The following GNB1L variants were observed in gnomAD, a reference collection of about 807,000 sequenced individuals.
GNB1L encodes G protein subunit beta 1 like.
A neutral mutation model predicts 29.1 loss-of-function variants in GNB1L; 20 were observed. The ratio of observed to expected loss-of-function variants is 0.69; its 90% CI spans 0.48 to 1.00. The LOEUF (loss-of-function observed/expected upper bound fraction) is 1.00, where lower values mean the gene tolerates loss of function less well. GNB1L is among the 50% of genes least tolerant of loss of function. GNB1L has a pLI of 0.00. For missense variants in GNB1L, 421 were observed against 464.9 expected, an observed-to-expected ratio of 0.91 and a Z score of 0.87; for synonymous variants, 193 against 206.5, an observed-to-expected ratio of 0.93 and a Z score of 0.56.
At chr22:19,807,719 G>C (rs1366873285) in intron 5 of GNB1L, among the ~76,000 whole-genome samples, 2 of 152,234 alleles carry the variant, frequency 1.3e-5, no homozygotes, top group Non-Finnish European at 2.9e-5. Context: ...TGAGTAGGCA[G>C]AACTCATACC....
At chr22:19,792,878 C>T in intron 7 of GNB1L, 1 of 1,135,114 alleles carries the variant, frequency 8.8e-7, no homozygotes, top group Non-Finnish European at 1.3e-6. Flanking sequence ...GTCTAGTCCA[C>T]AGGAAGACCT....
At chr22:19,829,942 G>A (rs1234729963) in intron 2 of GNB1L, among the ~76,000 whole-genome samples, 1 of 152,124 alleles carries the variant, frequency 6.6e-6, no homozygotes, top group Non-Finnish European at 1.5e-5. Flanking sequence ...CAGAATGCCT[G>A]CTATCTCTAC....
chr22:19,851,132 C>G (rs745883853), intron 2 of GNB1L: 15 of 1,547,064 alleles, frequency 9.7e-6, no homozygotes, highest in Non-Finnish European at 1.1e-5. Context: ...GCCACTTCAT[C>G]ATGAGGGGCA....
At chr22:19,837,584 A>T (rs1937787383) in intron 2 of GNB1L, among the ~76,000 whole-genome samples, 2 of 152,234 alleles carry the variant, frequency 1.3e-5, no homozygotes. Flanking sequence ...AAGACTGACC[A>T]TTCCAGTTGC....
intron 7 of GNB1L, among the ~76,000 whole-genome samples, chr22:19,793,593 C>T (rs1284080091): frequency 6.6e-6 from 1 of 152,008 alleles, no homozygotes; most frequent in Admixed American, 6.5e-5. Flanking sequence ...CCAATCAGGA[C>T]AAGAAGAAAA....
At chr22:19,846,705 T>C (rs887417927) in intron 2 of GNB1L, 6 of 376,722 alleles carry the variant, frequency 1.6e-5, no homozygotes, top group African/African-American at 2.2e-5. Context: ...CCTGATCCAA[T>C]AGACTAGTGA....
intron 2 of GNB1L, among the ~76,000 whole-genome samples, chr22:19,826,241 C>T (rs1267995009): frequency 2.0e-5 from 3 of 152,192 alleles, no homozygotes; most frequent in African/African-American, 7.2e-5. Flanking sequence ...TAAACCTACA[C>T]CCACGGATGC....
intron 2 of GNB1L, among the ~76,000 whole-genome samples, chr22:19,841,113 C>A (rs965896168): frequency 5.5e-4 from 83 of 152,216 alleles, no homozygotes; most frequent in Non-Finnish European, 1.2e-3. Context: ...TTCAGGAACC[C>A]TGGATGAAGC....
intron 7 of GNB1L, chr22:19,792,510 C>T (rs1159388847): frequency 2.5e-5 from 39 of 1,544,070 alleles, no homozygotes; most frequent in South Asian, 4.5e-5. Context: ...CCTCTATAAG[C>T]GGCTGAAAGT....
At chr22:19,850,971 G>A in intron 2 of GNB1L, 2 of 1,409,302 alleles carry the variant, frequency 1.4e-6, no homozygotes, top group Non-Finnish European at 1.8e-6. Flanking sequence ...AGGGCACAGG[G>A]CGGAGGTCAA....
chr22:19,789,375 A>G (rs1937226606), intron 7 of GNB1L, among the ~76,000 whole-genome samples: 1 of 152,200 alleles, frequency 6.6e-6, no homozygotes, highest in Admixed American at 6.5e-5. Flanking sequence ...AGAACCTCAC[A>G]ACCACCCCAA....
chr22:19,795,887 C>T (rs575366206), intron 7 of GNB1L, among the ~76,000 whole-genome samples: 3 of 152,232 alleles, frequency 2.0e-5, no homozygotes, highest in African/African-American at 7.2e-5. Context: ...CACCAAGAGG[C>T]CCCTGCCTGA....
At chr22:19,828,497 A>G (rs75664225) in intron 2 of GNB1L, among the ~76,000 whole-genome samples, 2,850 of 152,144 alleles carry the variant, frequency 0.019, 62 homozygotes, top group South Asian at 0.083. Flanking sequence ...TCTCAAAACA[A>G]ATAAAAATTC....
Position 19,788,174 on chromosome 22 carries a change from A to G in GNB1L, c.*535T>C, listed in dbSNP as rs1937208357. The G allele has an allele frequency of 9.4e-6, 2 of 211,818 alleles. No homozygotes were observed. The highest frequency in any genetic ancestry group is 1.9e-5 in the Non-Finnish European group (2 of 105,986). 13.1% of individuals were successfully genotyped at this position (211,818 alleles called of 1,614,324 possible). Reference sequence around the variant, plus strand: ...ACTTCCTGATCCTGATCCTGGCCTCAACCTGTGTGTTGGGAGCTCCTGGCC... The same window carrying G: ...ACTTCCTGATCCTGATCCTGGCCTCGACCTGTGTGTTGGGAGCTCCTGGCC... On this transcript the variant is annotated 3_prime_UTR_variant, in exon 8 of 8. Transcript: ENST00000329517.
rs1256289607 is a variant in GNB1L at position 19,812,479 on chromosome 22, T to A, written c.255-32A>T. The stretch of plus-strand genomic sequence containing the variant: ...GACAAAGAGGAGACAGGCCTGAGAC[T>A]CCCCTTGACAAGTGTCAGCTCCCAT... On this transcript the variant is annotated intron_variant, in intron 4 of 7. Transcript: ENST00000329517. 1.9e-6 allele frequency: 3 copies of A among 1,588,568 alleles called. No homozygotes were observed. The African/African-American group carries it at 4.0e-5, about 21-fold the overall frequency.
chr22:19,808,280 C>T (rs1937459648), intron 5 of GNB1L, among the ~76,000 whole-genome samples: 3 of 152,192 alleles, frequency 2.0e-5, no homozygotes, highest in Admixed American at 2.0e-4. Flanking sequence ...AGCCTCCTGC[C>T]CATCAAGCCC....
chr22:19,807,638 C>A (rs1937451721), intron 5 of GNB1L, among the ~76,000 whole-genome samples: 1 of 152,228 alleles, frequency 6.6e-6, no homozygotes, highest in South Asian at 2.1e-4. Flanking sequence ...CCACCTTGGA[C>A]AGAGCCTGGC....
chr22:19,800,197 C>T (rs1249429102), intron 7 of GNB1L, among the ~76,000 whole-genome samples: 1 of 152,228 alleles, frequency 6.6e-6, no homozygotes, highest in Non-Finnish European at 1.5e-5. Flanking sequence ...TGGAACATGC[C>T]CCATAAATTA....
At chr22:19,800,810 C>A (rs900739802) in intron 7 of GNB1L, among the ~76,000 whole-genome samples, 2 of 152,200 alleles carry the variant, frequency 1.3e-5, no homozygotes, top group Non-Finnish European at 2.9e-5. Flanking sequence ...GAACCCTGCC[C>A]CTCTGTGTAT....
Sources: allele counts gnomAD v4.1 joint callset (sites outside exome capture counted in the v4.1 genomes callset), GRCh38; gene constraint gnomAD v4.1.1; transcripts MANE v1.5; gene names NCBI Gene and HGNC (gene_info 2026-07-23, HGNC 2026-07-21).